The following RASSF5 variants were observed in gnomAD, a reference collection of about 807,000 sequenced individuals.
RASSF5 encodes the protein Ras association domain family member 5.
Under a neutral mutation model 40.5 loss-of-function variants are expected in RASSF5, and 25 were observed. That is an observed-to-expected ratio of 0.62 (90% confidence interval 0.45 to 0.86). The LOEUF (loss-of-function observed/expected upper bound fraction) is 0.86. RASSF5 is among the 40% of genes least tolerant of loss of function. The pLI, the probability that RASSF5 is intolerant of heterozygous loss-of-function variation, is 0.00. For synonymous variants in RASSF5, 246 were observed against 252.4 expected (o/e 0.97, Z 0.24); for missense variants, 521 against 572.8 (o/e 0.91, Z 0.92).
intron 1 of RASSF5, among the ~76,000 whole-genome samples, chr1:206,516,458 G>A (rs1188324414): frequency 2.0e-5 from 3 of 151,744 alleles, no homozygotes; most frequent in Non-Finnish European, 2.9e-5. Context: ...CGCATTACAC[G>A]TGACTTTTTT....
At chr1:206,543,336 G>A (rs1318408154) in intron 2 of RASSF5, 1 of 152,202 alleles carries the variant, frequency 6.6e-6, no homozygotes, top group East Asian at 1.9e-4. Flanking sequence ...GACTACCAGG[G>A]CACTGGGTCC....
chr1:206,583,486 T>G (rs1668978071), intron 3 of RASSF5, 107 bp downstream of exon 3: 3 of 769,564 alleles, frequency 3.9e-6, no homozygotes, highest in Middle Eastern at 3.2e-4. Flanking sequence ...GCAGGTCCCC[T>G]CCCTTTCCTC....
chr1:206,528,898 TC>T (rs1667164140), intron 1 of RASSF5: 1 of 546,844 alleles, frequency 1.8e-6, no homozygotes, highest in Admixed American at 3.2e-5. Context: ...ATTAGCTCTC[TC>T]CTCGCATTGC....
chr1:206,520,862 G>A (rs781869819), intron 1 of RASSF5, among the ~76,000 whole-genome samples: 1 of 152,166 alleles, frequency 6.6e-6, no homozygotes, highest in Non-Finnish European at 1.5e-5. Flanking sequence ...AGTGCTCCCA[G>A]GAAGACTTTT....
intron 2 of RASSF5, among the ~76,000 whole-genome samples, chr1:206,545,051 GC>G (rs1429711737): frequency 1.3e-5 from 2 of 152,066 alleles, no homozygotes; most frequent in Non-Finnish European, 2.9e-5. Context: ...CTTTCCTGAG[GC>G]CCCGGGCTCC....
At chr1:206,570,762 A>T (rs1668425818) in intron 2 of RASSF5, among the ~76,000 whole-genome samples, 1 of 152,170 alleles carries the variant, frequency 6.6e-6, no homozygotes, top group Non-Finnish European at 1.5e-5. Context: ...ATGAGATTCC[A>T]TTGTATGGAC....
intron 1 of RASSF5, chr1:206,529,319 A>G (rs1667176263): frequency 3.8e-6 from 3 of 783,766 alleles, no homozygotes; most frequent in Non-Finnish European, 6.8e-6. Context: ...TCCTTCGAGC[A>G]GGAGTTAACA....
At chr1:206,557,203 C>G (rs1668013793) in intron 2 of RASSF5, 1 of 1,043,982 alleles carries the variant, frequency 9.6e-7, no homozygotes, top group South Asian at 3.8e-5. Context: ...GCGCGGGAGG[C>G]GGGGGAGGTG....
chr1:206,585,298 A>G lies in RASSF5; in HGVS notation c.1104+3A>G. The G allele has an allele frequency of 6.2e-7, 1 of 1,611,858 alleles. No individual in the cohort carries two copies. Among genetic ancestry groups the G allele is most frequent in the South Asian group, 1.1e-5 (1 of 91,030 alleles). ...AGAATGAAACTGGAGAGGTAGAGGT[A>G]GGTCTGGACCCATTGTGCAAACCCA... On this transcript the variant is annotated splice_donor_region_variant and intron_variant, in intron 5 of 5. Coordinates refer to ENST00000579436, the MANE Select transcript of RASSF5 (RefSeq NM_182663.4).
intron 2 of RASSF5, among the ~76,000 whole-genome samples, chr1:206,550,050 C>T (rs2103532720): frequency 6.6e-6 from 1 of 152,286 alleles, no homozygotes; most frequent in Admixed American, 6.5e-5. Context: ...TAGACTCGAG[C>T]AGCATCTCCT....
In RASSF5 at chr1:206,513,555, G is replaced by A. The variant is rs1195874147; in HGVS notation, c.457+5496G>A. Among the ~76,000 whole-genome samples, 5 of 152,324 alleles carry A rather than the reference G, an allele frequency of 3.3e-5. No individual in the cohort carries two copies. The highest frequency in any genetic ancestry group is 3.9e-4 in the East Asian group (2 of 5,188). ...GCTTTCTGCCTCCCTGCAGGGTCTC[G>A]CTCTGTCTCTGCTGACTCTGGGCAC... On this transcript the variant is annotated intron_variant, in intron 1 of 5. Coordinates refer to ENST00000579436, the MANE Select transcript of RASSF5 (RefSeq NM_182663.4). This position sits in a 1 kb window ranked among gnomAD's most constrained non-coding sequence, Gnocchi z 5.0.
At position 206,566,159 on chromosome 1, in the gene RASSF5, G is replaced by C. The variant is rs959012007; in HGVS notation, c.580-17110G>C. Among the ~76,000 whole-genome samples the C allele has an allele frequency of 4.6e-5, 7 of 152,276 alleles. No individual in the cohort carries two copies. In the South Asian group the frequency reaches 1.5e-3, roughly 32 times the overall value. On this transcript the variant is annotated intron_variant, in intron 2 of 5. Coordinates refer to ENST00000579436, the MANE Select transcript of RASSF5 (RefSeq NM_182663.4). ...ATTCTATGAGGTAACATGTGAAAGG[G>C]GGTGAGCCAAGGGCAAGGTTGCCAG...
rs1479585364 is a variant in RASSF5 at position 206,531,698 on chromosome 1, A to C, written c.458-6474A>C. Among the ~76,000 whole-genome samples, 1 of 152,220 alleles carries C rather than the reference A, an allele frequency of 6.6e-6. No individual in the cohort carries two copies. The highest frequency in any genetic ancestry group is 2.4e-5 in the African/African-American group (1 of 41,466). Reference sequence around the variant, plus strand: ...AAGACAGGTACCATGAGATGGTGACAGTCCCCACTGACTTATTCAAGAGGA... The same window carrying C: ...AAGACAGGTACCATGAGATGGTGACCGTCCCCACTGACTTATTCAAGAGGA... On this transcript the variant is annotated intron_variant, in intron 1 of 5. Coordinates refer to ENST00000579436, the MANE Select transcript of RASSF5 (RefSeq NM_182663.4). The surrounding 1 kb of genome is among the most constrained non-coding windows in gnomAD (Gnocchi z 4.7).
At chr1:206,583,130 C>G (rs73080973) in intron 2 of RASSF5, 139 bp from the exon 3 acceptor site, 1 of 620,698 alleles carries the variant, frequency 1.6e-6, no homozygotes, top group African/African-American at 1.8e-5. Flanking sequence ...TGTCTCACTC[C>G]GAGTCCGTGC....
At chr1:206,561,116 A>T (rs1553402510) in intron 2 of RASSF5, among the ~76,000 whole-genome samples, 1 of 152,196 alleles carries the variant, frequency 6.6e-6, no homozygotes, top group Admixed American at 6.5e-5. Context: ...GGCCCAGAGC[A>T]TTGGGGTGAG....
intron 2 of RASSF5, chr1:206,557,158 G>A (rs1668012849): frequency 2.0e-6 from 2 of 998,966 alleles, no homozygotes; most frequent in African/African-American, 3.5e-5. Flanking sequence ...CAGAGGAAGT[G>A]GCTTCAGAAC....
At chr1:206,527,208 G>A (rs1553397340) in intron 1 of RASSF5, among the ~76,000 whole-genome samples, 2 of 152,158 alleles carry the variant, frequency 1.3e-5, no homozygotes, top group Non-Finnish European at 2.9e-5. Flanking sequence ...TAAGCAGTGT[G>A]TTTCAAGGGA....
intron 2 of RASSF5, among the ~76,000 whole-genome samples, chr1:206,546,221 A>G (rs1158187431): frequency 6.9e-6 from 1 of 144,218 alleles, no homozygotes; most frequent in Non-Finnish European, 1.5e-5. Flanking sequence ...GTGATCCTCC[A>G]CTTCAGCCTC....
At chr1:206,567,818 G>C (rs930495787) in intron 2 of RASSF5, among the ~76,000 whole-genome samples, 13 of 152,066 alleles carry the variant, frequency 8.5e-5, no homozygotes, top group Non-Finnish European at 1.9e-4. Context: ...TATGTGTCAG[G>C]GACTGTCTTA....
Sources: allele counts gnomAD v4.1 joint callset (sites outside exome capture counted in the v4.1 genomes callset), GRCh38; gene constraint gnomAD v4.1.1; non-coding constraint Gnocchi (gnomAD v3.1); transcripts MANE v1.5; gene names NCBI Gene and HGNC (gene_info 2026-07-23, HGNC 2026-07-21).